The following ADGRL2 variants were observed in gnomAD, a reference collection of about 807,000 sequenced individuals.
The protein encoded by ADGRL2 is calcium-independent alpha-latrotoxin receptor 2.
A neutral mutation model predicts 157.4 loss-of-function variants in ADGRL2; 44 were observed. The observed-to-expected ratio is 0.28, with a 90% CI of 0.22 to 0.36. The LOEUF is 0.36. Ranked by LOEUF, ADGRL2 falls within the 10% of genes least tolerant of loss-of-function variation. The pLI, the probability that ADGRL2 is intolerant of heterozygous loss-of-function variation, is 1.00. For synonymous variants in ADGRL2, 585 were observed against 624.7 expected (o/e 0.94, Z 0.95); for missense variants, 1,510 against 1,768.9 (o/e 0.85, Z 2.63).
At chr1:81,637,961 T>C (rs1308038374) in intron 3 of ADGRL2, among the ~76,000 whole-genome samples, 1 of 152,000 alleles carries the variant, frequency 6.6e-6, no homozygotes, top group Non-Finnish European at 1.5e-5. Context: ...AGGTAAACTC[T>C]TTGTTGAATT....
At chr1:81,446,869 GTATT>G (rs1386104391) in intron 2 of ADGRL2, among the ~76,000 whole-genome samples, 7 of 151,888 alleles carry the variant, frequency 4.6e-5, no homozygotes, top group Non-Finnish European at 7.4e-5. Context: ...TTTAATTTAG[GTATT>G]TATTACAAAT....
chr1:81,800,242 A>C (rs1214053122), upstream of ADGRL2, among the ~76,000 whole-genome samples: 1 of 152,212 alleles, frequency 6.6e-6, no homozygotes, highest in Admixed American at 6.5e-5. Context: ...CAATAAAGTC[A>C]AAGTTTAGCT....
intron 1 of ADGRL2, among the ~76,000 whole-genome samples, chr1:81,721,060 C>T (rs1408698668): frequency 2.8e-5 from 4 of 143,910 alleles, no homozygotes; most frequent in Admixed American, 7.0e-5. Flanking sequence ...TTAATAGAGC[C>T]GGGGTCTTGC....
intron 1 of ADGRL2, among the ~76,000 whole-genome samples, chr1:81,819,808 A>T (rs998444168): frequency 1.3e-5 from 2 of 152,142 alleles, no homozygotes; most frequent in African/African-American, 4.8e-5. Context: ...AACATTCTTA[A>T]CAGCTCTTTA....
At chr1:81,705,603 G>C (rs1320123325) in intron 1 of ADGRL2, among the ~76,000 whole-genome samples, 2 of 151,932 alleles carry the variant, frequency 1.3e-5, no homozygotes, top group Non-Finnish European at 2.9e-5. Flanking sequence ...TGAAAGAACA[G>C]CAGGAAGCCA....
At chr1:81,522,843 A>G (rs2079354986) in intron 2 of ADGRL2, among the ~76,000 whole-genome samples, 1 of 152,194 alleles carries the variant, frequency 6.6e-6, no homozygotes, top group African/African-American at 2.4e-5. Flanking sequence ...GAGTATACAA[A>G]TTTTACTCTT....
At chr1:81,317,061 G>A (rs1042759472) in intron 1 of ADGRL2, among the ~76,000 whole-genome samples, 1 of 152,000 alleles carries the variant, frequency 6.6e-6, no homozygotes, top group African/African-American at 2.4e-5. Flanking sequence ...TGCTTCCCTG[G>A]TGACATTTGG....
chr1:81,647,185 C>T (rs750761037), intron 3 of ADGRL2, among the ~76,000 whole-genome samples: 1 of 152,136 alleles, frequency 6.6e-6, no homozygotes, highest in Non-Finnish European at 1.5e-5. Flanking sequence ...CTGCCTTCAT[C>T]CTTTGACAGC....
At chr1:81,684,911 G>A (rs1384795527) in intron 3 of ADGRL2, among the ~76,000 whole-genome samples, 1 of 152,090 alleles carries the variant, frequency 6.6e-6, no homozygotes, top group Non-Finnish European at 1.5e-5. Context: ...CCCATTTTAT[G>A]TTTTTGTTTG....
chr1:81,699,140 A>G (rs930675345), upstream of ADGRL2, among the ~76,000 whole-genome samples: 28 of 152,312 alleles, frequency 1.8e-4, no homozygotes, highest in South Asian at 1.7e-3. Context: ...CTCTAATTTT[A>G]TTTTCCTCTG....
At chr1:81,322,113 C>CATATATATATATATATATATATAT (rs1345847160) in intron 1 of ADGRL2, among the ~76,000 whole-genome samples, 10 of 112,082 alleles carry the variant, frequency 8.9e-5, no homozygotes, top group Non-Finnish European at 1.8e-4. Context: ...TATATATACA[C>CATATATATATATATATATATATAT]ATATATATAT....
At chr1:81,510,275 T>C (rs575349802) in intron 2 of ADGRL2, among the ~76,000 whole-genome samples, 1 of 152,274 alleles carries the variant, frequency 6.6e-6, no homozygotes, top group African/African-American at 2.4e-5. Context: ...CAGGTGCATA[T>C]CCTCTAGTTT....
intron 2 of ADGRL2, among the ~76,000 whole-genome samples, chr1:81,794,707 T>C (rs1488015278): frequency 6.6e-6 from 1 of 152,160 alleles, no homozygotes; most frequent in Non-Finnish European, 1.5e-5. Flanking sequence ...TATTACATCA[T>C]TGTTTGGTCT....
At chr1:81,746,649 A>G (rs2085255632) in intron 1 of ADGRL2, among the ~76,000 whole-genome samples, 1 of 152,156 alleles carries the variant, frequency 6.6e-6, no homozygotes, top group Non-Finnish European at 1.5e-5. Flanking sequence ...CTGAGAATGA[A>G]TTAGAAAAAT....
intron 3 of ADGRL2, among the ~76,000 whole-genome samples, chr1:81,691,897 T>G (rs1570850476): frequency 6.7e-6 from 1 of 148,238 alleles, no homozygotes; most frequent in South Asian, 2.1e-4. Context: ...TATATATATG[T>G]ATGTGTATAT....
At chr1:81,461,971 G>C (rs1432229521) in intron 2 of ADGRL2, among the ~76,000 whole-genome samples, 1 of 149,990 alleles carries the variant, frequency 6.7e-6, no homozygotes, top group Non-Finnish European at 1.5e-5. Flanking sequence ...ACAAAGGAAG[G>C]GAAAGAGGGA....
At chr1:81,464,556 T>C (rs2078012743) in intron 2 of ADGRL2, among the ~76,000 whole-genome samples, 1 of 152,202 alleles carries the variant, frequency 6.6e-6, no homozygotes, top group Non-Finnish European at 1.5e-5. Context: ...ATTCTTTCTC[T>C]GTTCTTCCTT....
chr1:81,640,483 T>G (rs1469017618), intron 3 of ADGRL2, among the ~76,000 whole-genome samples: 15 of 151,696 alleles, frequency 9.9e-5, no homozygotes, highest in African/African-American at 3.6e-4. Flanking sequence ...ATTCAAAAAA[T>G]TAGCTGGGCG....
At chr1:81,632,754 C>CA (rs34612206) in intron 3 of ADGRL2, among the ~76,000 whole-genome samples, 16,418 of 111,954 alleles carry the variant, frequency 0.15, 1,931 homozygotes, top group African/African-American at 0.33. Flanking sequence ...GACTCCGTCT[C>CA]AAAAAAAAAA....
Sources: allele counts gnomAD v4.1 joint callset (sites outside exome capture counted in the v4.1 genomes callset), GRCh38; gene constraint gnomAD v4.1.1; transcripts MANE v1.5; gene names NCBI Gene and HGNC (gene_info 2026-07-23, HGNC 2026-07-21).